The following CHD6 variants were observed in gnomAD, a reference collection of about 807,000 sequenced individuals.
CHD6 encodes the protein chromodomain helicase DNA binding protein 6, also known as ATP-dependent chromatin remodeler CHD6.
CHD6 carries 50 observed loss-of-function variants against 276.9 expected under a neutral mutation model. That is an observed-to-expected ratio of 0.18 (90% confidence interval 0.14 to 0.23). CHD6 has a LOEUF of 0.23. CHD6 is among the 10% of genes least tolerant of loss of function. The pLI is 1.00. For missense variants in CHD6, 2,564 were observed against 3,365.8 expected, an observed-to-expected ratio of 0.76 and a Z score of 5.89; for synonymous variants, 1,173 against 1,229.3, an observed-to-expected ratio of 0.95 and a Z score of 0.96.
intron 35 of CHD6, among the ~76,000 whole-genome samples, chr20:41,412,957 C>T (rs938043083): frequency 6.6e-6 from 1 of 152,208 alleles, no homozygotes. Flanking sequence ...AACGTATTAA[C>T]TTGAAAAGAA....
chr20:41,404,225 C>T lies in CHD6; in HGVS notation c.*368G>A. Reference sequence around the variant, plus strand: ...GAGCTCCTCTTTGTCTCTGTTCTTCCACCCTTCAATGGTAAAACCCTAGAC... The same window carrying T: ...GAGCTCCTCTTTGTCTCTGTTCTTCTACCCTTCAATGGTAAAACCCTAGAC... On this transcript the variant is annotated 3_prime_UTR_variant, in exon 37 of 37. Coordinates refer to ENST00000373233, the MANE Select transcript of CHD6 (RefSeq NM_032221.5). The T allele has an allele frequency of 9.3e-7, 1 of 1,074,746 alleles. No homozygotes were observed. The highest frequency in any genetic ancestry group is 1.1e-6 in the Non-Finnish European group (1 of 886,492). The allele number at this position is 1,074,746 out of a possible 1,614,324, so 66.6% of individuals were successfully genotyped here.
chr20:41,580,110 G>T (rs995457371), intron 1 of CHD6, among the ~76,000 whole-genome samples: 6 of 152,140 alleles, frequency 3.9e-5, no homozygotes, highest in Non-Finnish European at 7.3e-5. Flanking sequence ...TAAGAAAACA[G>T]CAGTCTACTA....
At chr20:41,537,720 G>C (rs1207067570) in intron 2 of CHD6, among the ~76,000 whole-genome samples, 1 of 152,028 alleles carries the variant, frequency 6.6e-6, no homozygotes, top group Non-Finnish European at 1.5e-5. Context: ...TAATAAAAAA[G>C]ACAAGACAAC....
chr20:41,524,414 TAG>T (rs2044478049), intron 3 of CHD6, among the ~76,000 whole-genome samples: 1 of 152,130 alleles, frequency 6.6e-6, no homozygotes, highest in Non-Finnish European at 1.5e-5. Flanking sequence ...AAATGGAGAT[TAG>T]AGAGGTTTGT....
At chr20:41,591,050 T>C (rs1601174394) in intron 1 of CHD6, among the ~76,000 whole-genome samples, 7 of 152,130 alleles carry the variant, frequency 4.6e-5, no homozygotes, top group East Asian at 1.9e-4. Flanking sequence ...GATGAGTTCA[T>C]GTCCTTTGTA....
chr20:41,616,328 A>G lies in CHD6; in HGVS notation c.-24+2012T>C, dbSNP rs578240629. ...GCAGTGCTATTAAATGTAACAGAAG[A>G]GCTAAATGTGAAAAGCAAAGAAATA... On this transcript the variant is annotated intron_variant, in intron 1 of 36. Transcript: ENST00000373233. Among the ~76,000 whole-genome samples the G allele has an allele frequency of 3.3e-5, 5 of 152,364 alleles. No individual in the cohort carries two copies. The East Asian group carries it at 9.6e-4, about 29-fold the overall frequency.
chr20:41,532,511 G>A (rs979832902), intron 3 of CHD6, among the ~76,000 whole-genome samples: 1 of 152,110 alleles, frequency 6.6e-6, no homozygotes, highest in African/African-American at 2.4e-5. Context: ...TATCACACCT[G>A]GGATGTCACT....
intron 27 of CHD6, among the ~76,000 whole-genome samples, chr20:41,428,415 T>C (rs560458985): frequency 6.6e-6 from 1 of 152,326 alleles, no homozygotes; most frequent in Admixed American, 6.5e-5. Flanking sequence ...GCTACCTCAA[T>C]TTCTGCTTAC....
At chr20:41,591,868 G>A (rs140021710) in intron 1 of CHD6, among the ~76,000 whole-genome samples, 183 of 152,294 alleles carry the variant, frequency 1.2e-3, no homozygotes, top group African/African-American at 4.1e-3. Flanking sequence ...GGGAGGCCAA[G>A]GCAGGCAGAT....
intron 27 of CHD6, among the ~76,000 whole-genome samples, chr20:41,432,065 C>T (rs987805775): frequency 6.7e-6 from 1 of 148,882 alleles, no homozygotes; most frequent in African/African-American, 2.5e-5. Flanking sequence ...GAGGCTGAGG[C>T]AGGAGAATCA....
intron 26 of CHD6, among the ~76,000 whole-genome samples, chr20:41,438,587 CACAA>C (rs1249227554): frequency 1.3e-5 from 2 of 152,050 alleles, no homozygotes; most frequent in Non-Finnish European, 2.9e-5. Flanking sequence ...GAGACTCCAT[CACAA>C]ACAAACAAAA....
chr20:41,511,678 T>C (rs956893544), intron 5 of CHD6, among the ~76,000 whole-genome samples: 1 of 152,112 alleles, frequency 6.6e-6, no homozygotes, highest in African/African-American at 2.4e-5. Context: ...TCACCACCCC[T>C]CAAATTATAC....
At chr20:41,597,912 C>T (rs2045734696) in intron 1 of CHD6, among the ~76,000 whole-genome samples, 1 of 152,128 alleles carries the variant, frequency 6.6e-6, no homozygotes, top group African/African-American at 2.4e-5. Flanking sequence ...ATTCTATTAA[C>T]TGGGGAGTTC....
At chr20:41,603,450 C>T (rs1253961531) in intron 1 of CHD6, among the ~76,000 whole-genome samples, 1 of 152,192 alleles carries the variant, frequency 6.6e-6, no homozygotes, top group Non-Finnish European at 1.5e-5. Flanking sequence ...TGCAAGATTA[C>T]AAAACTCTAG....
rs754086042 is a variant in CHD6, at chr20:41,484,354, T to C, written c.2255A>G (p.Asn752Ser). 1.2e-5 allele frequency: 19 copies of C among 1,613,748 alleles called. No homozygotes were observed. The highest frequency in any genetic ancestry group is 9.9e-5 in the South Asian group (9 of 91,064). ...ACTTCCTAGTGCCCCTGACTCACCA[T>C]TGATCAGGTAGGGATGGTTACAGCA... ...RKCCNHPYLI[N>S]GAEEKILEDF... Residue 752 changes from asparagine (N) to serine (S), a missense_variant and splice_region_variant, in exon 15 of 37, where the codon AAT becomes AGT. Around this residue, in one of 7 missense-constraint regions of CHD6, gnomAD observed 457 missense variants for 889.0 expected, o/e 0.51. Transcript: ENST00000373233.
rs555292500 is a variant in CHD6, at chr20:41,513,863, T to C, written c.703-868A>G. On this transcript the variant is annotated intron_variant, in intron 4 of 36. Transcript: ENST00000373233. ...CTGTTCCTATCACTTCTTCACTAAG[T>C]TACCTCTATGATGTTTTACTTTATA... 3.9e-5 allele frequency among the ~76,000 whole-genome samples: 6 copies of C among 152,336 alleles called. No homozygotes were observed. The East Asian group carries it at 1.2e-3, about 29-fold the overall frequency.
At chr20:41,427,287 G>A (rs1600832953) in intron 27 of CHD6, among the ~76,000 whole-genome samples, 1 of 151,790 alleles carries the variant, frequency 6.6e-6, no homozygotes, top group Non-Finnish European at 1.5e-5. Flanking sequence ...CCCCTGATAC[G>A]ACGCAAAGAA....
rs530138617 is a variant in CHD6 at position 41,421,759 on chromosome 20, G to C, written c.4876C>G (p.Pro1626Ala). ...AQHKRSGTQAPGNLCCLYQTN... is the reference protein window; with the variant it reads ...AQHKRSGTQAAGNLCCLYQTN... ...TGGTAAAGGCAACAGAGATTTCCTG[G>C]TGCCTGGGTGCCAGATCTTTTATGC... Residue 1626 changes from proline (P) to alanine (A), a missense_variant, in exon 31 of 37, where the codon CCA (proline) becomes GCA (alanine). Physicochemically the swap from Pro to Ala is conservative, Grantham distance 27 (BLOSUM62 -1). Around this residue, in one of 7 missense-constraint regions of CHD6, gnomAD observed 1,024 missense variants for 1,047.9 expected, o/e 0.98. Coordinates refer to ENST00000373233, the MANE Select transcript of CHD6 (RefSeq NM_032221.5). The C allele has an allele frequency of 1.4e-5, 22 of 1,614,050 alleles. No individual in the cohort carries two copies. The highest frequency in any genetic ancestry group is 1.8e-5 in the Non-Finnish European group (21 of 1,180,024).
intron 1 of CHD6, among the ~76,000 whole-genome samples, chr20:41,586,107 T>C (rs2045591372): frequency 6.6e-6 from 1 of 152,140 alleles, no homozygotes; most frequent in Admixed American, 6.5e-5. Flanking sequence ...AACCCAGGCA[T>C]TTGAGCAGGT....
Sources: allele counts gnomAD v4.1 joint callset (sites outside exome capture counted in the v4.1 genomes callset), GRCh38; gene constraint gnomAD v4.1.1; regional missense constraint gnomAD v4.1.1; transcripts MANE v1.5; gene names NCBI Gene and HGNC (gene_info 2026-07-23, HGNC 2026-07-21).